The following RNH1 variants were observed in gnomAD, a reference collection of about 807,000 sequenced individuals.
RNH1 encodes the protein ribonuclease/angiogenin inhibitor 1.
RNH1 carries 38 observed loss-of-function variants against 46.1 expected under a neutral mutation model. The observed-to-expected ratio is 0.82, with a 90% CI of 0.64 to 1.08. The LOEUF (loss-of-function observed/expected upper bound fraction) is 1.08. Among genes scored for constraint, RNH1 ranks in the 50% least tolerant of loss-of-function variants. The pLI, the probability that RNH1 is intolerant of heterozygous loss-of-function variation, is 0.00. For missense variants in RNH1, 577 were observed against 590.7 expected (o/e 0.98, Z 0.24); for synonymous variants, 319 against 279.1 (o/e 1.14, Z -1.43).
In RNH1 at chr11:494,912, C is replaced by G. The variant is rs770894206; in HGVS notation, c.1269G>C (p.Arg423=). 1.2e-6 allele frequency: 2 copies of G among 1,611,306 alleles called. No homozygotes were observed. Among genetic ancestry groups the G allele is most frequent in the Non-Finnish European group, 1.7e-6 (2 of 1,179,136 alleles). Residue 423 remains arginine (R), a synonymous_variant, in exon 10 of 11, where the codon CGG becomes CGC. Coordinates refer to ENST00000354420, the MANE Select transcript of RNH1 (RefSeq NM_203387.3). The stretch of plus-strand genomic sequence containing the variant: ...GCTGCTCCAGGAGGCAGCCCGGCTG[C>G]CGGACGCTCTCCACCAGCTGCAGGA... ...AGILQLVESV[R]QPGCLLEQLV... is the part of the protein sequence containing the mutation.
Position 498,084 on chromosome 11 carries a change from G to C in RNH1, c.1014C>G (p.Ala338=), listed in dbSNP as rs767884083. 4 of 1,614,108 alleles carry C rather than the reference G, an allele frequency of 2.5e-6. No individual in the cohort carries two copies. In the South Asian group the frequency reaches 4.4e-5, roughly 18 times the overall value. The change falls in exon 9 of 11, where the codon GCC becomes GCG. Residue 338 remains alanine, a synonymous_variant. Coordinates refer to ENST00000354420, the MANE Select transcript of RNH1 (RefSeq NM_203387.3). ...GTAGCTCCAGGAGAAACCTGTTCTG[G>C]GCCAGCACTGAGCTGAAGTGGGAGC... The part of the protein sequence containing the change: ...ACCSHFSSVL[A]QNRFLLELQI...
intron 4 of RNH1, 99 bp from the exon 5 acceptor site, chr11:500,098 C>T (rs1009877584): frequency 1.5e-6 from 2 of 1,340,264 alleles, no homozygotes; most frequent in Admixed American, 2.7e-5. Flanking sequence ...CTTCAGGCGG[C>T]AGGTCTATAC....
chr11:498,967 GACCCCCCCTAGCCCACACCCCGC>G, intron 6 of RNH1, 25 bp downstream of exon 6: 1 of 1,611,098 alleles, frequency 6.2e-7, no homozygotes, highest in Non-Finnish European at 8.5e-7. Flanking sequence ...GGCAGCACGG[GACCCCCCCTAGCCCACACCCCGC>G]ACCCCCCCAA....
intron 1 of RNH1, 117 bp downstream of exon 1, chr11:506,996 C>G (rs1023492267): frequency 6.6e-6 from 1 of 152,398 alleles, no homozygotes; most frequent in South Asian, 2.1e-4. Context: ...GGGAGCGCGC[C>G]ACTCGCCCGC....
intron 2 of RNH1, 157 bp downstream of exon 2, chr11:504,667 C>T (rs919799723): frequency 6.6e-6 from 1 of 152,590 alleles, no homozygotes; most frequent in Non-Finnish European, 1.5e-5. Context: ...CCGTTTCCCA[C>T]TCTGGCCCCA....
At chr11:494,827 C>T in intron 10 of RNH1, 49 bp from the exon 11 acceptor site, 12 of 1,612,730 alleles carry the variant, frequency 7.4e-6, no homozygotes, top group Non-Finnish European at 1.0e-5. Context: ...TCCCCCACCC[C>T]CGCCTTCCTC....
chr11:501,364 C>T lies in RNH1; in HGVS notation c.101+698G>A, dbSNP rs1849735604. On this transcript the variant is annotated intron_variant, in intron 3 of 10. Coordinates refer to ENST00000354420, the MANE Select transcript of RNH1 (RefSeq NM_203387.3). The surrounding 1 kb of genome is among the most constrained non-coding windows in gnomAD (Gnocchi z 4.1). ...GGCCAGACCCTCAGACCACCAAGAA[C>T]CCAGAGAGACGAGGGGACAGTCACA... 1 of 164,130 alleles carries T rather than the reference C, an allele frequency of 6.1e-6. No homozygotes were observed. The highest frequency in any genetic ancestry group is 2.4e-5 in the African/African-American group (1 of 41,476). 10.2% of individuals were successfully genotyped at this position (164,130 alleles called of 1,614,324 possible). A position where few individuals can be genotyped will look rare whatever the true frequency, so the allele number is the denominator to read the frequency against.
chr11:505,475 G>C (rs897254964), intron 1 of RNH1: 1 of 152,232 alleles, frequency 6.6e-6, no homozygotes, highest in African/African-American at 2.4e-5. Flanking sequence ...GAAGTTGGAA[G>C]AGGAAAAGAA....
chr11:497,928 A>G, intron 9 of RNH1, 43 bp downstream of exon 9: 1 of 1,586,652 alleles, frequency 6.3e-7, no homozygotes, highest in Non-Finnish European at 8.6e-7. Context: ...ACACGGGCAT[A>G]TGATCTCCCA....
intron 1 of RNH1, chr11:506,714 T>C (rs539845442): frequency 6.6e-6 from 1 of 152,434 alleles, no homozygotes; most frequent in South Asian, 2.1e-4. Context: ...GATTACGGGA[T>C]TTGGGGAAGC....
At chr11:500,281 G>A in intron 4 of RNH1, 1 of 706,012 alleles carries the variant, frequency 1.4e-6, no homozygotes, top group East Asian at 2.7e-5. Context: ...TTGGGTGCGG[G>A]GGCTGGGATA....
In RNH1 at chr11:494,541, A is replaced by G. The variant is rs1198104886; in HGVS notation, c.*150T>C. 1 of 730,436 alleles carries G rather than the reference A, an allele frequency of 1.4e-6. No individual in the cohort carries two copies. Among genetic ancestry groups the G allele is most frequent in the Non-Finnish European group, 2.4e-6 (1 of 425,170 alleles). The allele number at this position is 730,436 out of a possible 1,614,324, so 45.2% of individuals were successfully genotyped here. On this transcript the variant is annotated 3_prime_UTR_variant, in exon 11 of 11. Transcript: ENST00000354420. The stretch of plus-strand genomic sequence containing the variant: ...GCCAAGAAAGTGCTTTAATGATTAT[A>G]AAGTGTCCAAAATATACTGGCAGAA...
chr11:498,240 A>G, intron 8 of RNH1, 99 bp from the exon 9 acceptor site: 1 of 1,383,006 alleles, frequency 7.2e-7, no homozygotes, highest in Non-Finnish European at 9.7e-7. Flanking sequence ...CCTGAGCAAA[A>G]ACATCTGACA....
intron 1 of RNH1, chr11:505,557 A>C (rs1449206284): frequency 6.6e-6 from 1 of 152,200 alleles, no homozygotes; most frequent in East Asian, 1.9e-4. Flanking sequence ...CCTAAAACTC[A>C]CTTCGGGCTT....
chr11:500,436 CCAAAG>C, intron 4 of RNH1, 43 bp downstream of exon 4: 1 of 1,573,130 alleles, frequency 6.4e-7, no homozygotes, highest in South Asian at 1.1e-5. Flanking sequence ...TGCCGGGCTA[CCAAAG>C]CAGACTGCAC....
chr11:499,083 G>A lies in RNH1; in HGVS notation c.546C>T (p.Ile182=), dbSNP rs1159983177. 5.0e-6 allele frequency: 8 copies of A among 1,613,390 alleles called. No individual in the cohort carries two copies. The African/African-American group carries it at 1.1e-4, about 22-fold the overall frequency. The change falls in exon 6 of 11, where the codon ATC becomes ATT. Residue 182 remains isoleucine (I), a synonymous_variant. Transcript: ENST00000354420. ...FKELTVSNND[I]NEAGVRVLCQ... is the part of the protein sequence containing the mutation. ...ACAGCACACGGACGCCAGCCTCATT[G>A]ATGTCGTTGTTGCTAACCGTGAGCT...
At chr11:504,692 CG>C (rs1353373775) in intron 2 of RNH1, 131 bp downstream of exon 2, 1 of 152,462 alleles carries the variant, frequency 6.6e-6, no homozygotes, top group Non-Finnish European at 1.5e-5. Flanking sequence ...GCCTTTCCAC[CG>C]TACAGCCGCC....
At chr11:499,617 G>A (rs775449978) in intron 5 of RNH1, 4 of 729,902 alleles carry the variant, frequency 5.5e-6, no homozygotes, top group Middle Eastern at 2.3e-4. Context: ...GGGGAGGGAG[G>A]GTGATGACAG....
chr11:495,127 C>A, intron 9 of RNH1, 74 bp from the exon 10 acceptor site: 2 of 1,477,270 alleles, frequency 1.4e-6, no homozygotes, highest in East Asian at 2.4e-5. Flanking sequence ...CAGGCCTGGG[C>A]CTGGGGGGCG....
Sources: gnomAD v4.1 joint callset for allele counts on GRCh38, gnomAD v4.1.1 for gene constraint, Gnocchi (gnomAD v3.1) non-coding constraint, MANE v1.5 for transcripts, NCBI Gene and HGNC (gene_info 2026-07-23, HGNC 2026-07-21) for gene names.